CFAP95: variants seen among roughly 807,000 people sequenced by gnomAD.
CFAP95 encodes the protein cilia- and flagella-associated protein 95.
At chr9:69,822,171 G>C in the CFAP95 span, among the ~76,000 whole-genome samples, 1 of 152,098 alleles carries the variant, frequency 6.6e-6, no homozygotes, top group African/African-American at 2.4e-5. Context: ...GGAATATTTG[G>C]GAGGGGCGTG....
At chr9:69,826,882 G>A in the CFAP95 span, among the ~76,000 whole-genome samples, 4 of 152,072 alleles carry the variant, frequency 2.6e-5, no homozygotes, top group East Asian at 5.8e-4. Flanking sequence ...TGCAGGCTGG[G>A]GCCCTATATT....
chr9:69,840,012 G>A, the CFAP95 span, among the ~76,000 whole-genome samples: 1 of 151,514 alleles, frequency 6.6e-6, no homozygotes, highest in Non-Finnish European at 1.5e-5. Context: ...AGGAGGCGGA[G>A]GTTGTAGTGA....
chr9:69,873,604 C>A, the CFAP95 span, among the ~76,000 whole-genome samples: 2 of 152,190 alleles, frequency 1.3e-5, no homozygotes, highest in African/African-American at 4.8e-5. Context: ...ACTGCTTCTA[C>A]TGCTGCCAGT....
the CFAP95 span, among the ~76,000 whole-genome samples, chr9:69,870,767 G>C: frequency 6.6e-6 from 1 of 152,182 alleles, no homozygotes; most frequent in Non-Finnish European, 1.5e-5. Context: ...CACATTAGGG[G>C]TAAACAGGAT....
chr9:69,857,015 C>T, the CFAP95 span, among the ~76,000 whole-genome samples: 1 of 149,042 alleles, frequency 6.7e-6, no homozygotes, highest in African/African-American at 2.5e-5. Flanking sequence ...GTGTTTATAA[C>T]CCAGCTTGTT....
At chr9:69,902,179 A>C in the CFAP95 span, 10 of 355,126 alleles carry the variant, frequency 2.8e-5, no homozygotes, top group Non-Finnish European at 5.5e-6. Flanking sequence ...AGGGATGGGA[A>C]AATTGGCACA....
the CFAP95 span, among the ~76,000 whole-genome samples, chr9:69,887,865 G>A: frequency 3.3e-5 from 5 of 152,204 alleles, no homozygotes; most frequent in Non-Finnish European, 7.3e-5. Flanking sequence ...GCCGTGGGAG[G>A]AACACTGGCA....
the CFAP95 span, among the ~76,000 whole-genome samples, chr9:69,859,550 A>G: frequency 6.6e-6 from 1 of 152,126 alleles, no homozygotes; most frequent in Non-Finnish European, 1.5e-5. Context: ...CTGCTAATCA[A>G]TCCTCTGCTC....
chr9:69,826,485 G>A, the CFAP95 span, among the ~76,000 whole-genome samples: 1 of 152,054 alleles, frequency 6.6e-6, no homozygotes, highest in African/African-American at 2.4e-5. Flanking sequence ...CGAGAACTAC[G>A]ATAAAAAGCA....
At chr9:69,863,435 T>C in the CFAP95 span, among the ~76,000 whole-genome samples, 1 of 152,180 alleles carries the variant, frequency 6.6e-6, no homozygotes, top group Non-Finnish European at 1.5e-5. Context: ...GTAAGTCAAT[T>C]TAAGAGTTTT....
chr9:69,866,633 T>A, the CFAP95 span, among the ~76,000 whole-genome samples: 6 of 152,246 alleles, frequency 3.9e-5, no homozygotes, highest in Non-Finnish European at 8.8e-5. Context: ...ATTCAAAAGC[T>A]ACTCTATTTT....
the CFAP95 span, among the ~76,000 whole-genome samples, chr9:69,852,375 G>A: frequency 6.6e-6 from 1 of 152,066 alleles, no homozygotes; most frequent in Non-Finnish European, 1.5e-5. Flanking sequence ...GAGCTGCTTG[G>A]TGTCTCATTC....
chr9:69,857,362 C>T, the CFAP95 span, among the ~76,000 whole-genome samples: 2 of 152,100 alleles, frequency 1.3e-5, no homozygotes, highest in Non-Finnish European at 2.9e-5. Context: ...TAGCCTTTGT[C>T]TTATACTGTA....
chr9:69,852,165 AT>A, the CFAP95 span, among the ~76,000 whole-genome samples: 309 of 118,166 alleles, frequency 2.6e-3, no homozygotes, highest in Admixed American at 3.6e-3. Context: ...CTTTGTATAT[AT>A]TTTTTTTTTT....
At chr9:69,848,861 T>A in the CFAP95 span, among the ~76,000 whole-genome samples, 2 of 152,102 alleles carry the variant, frequency 1.3e-5, no homozygotes, top group Non-Finnish European at 1.5e-5. Context: ...GCCAGAGAAG[T>A]TTTGTATTAT....
the CFAP95 span, among the ~76,000 whole-genome samples, chr9:69,903,093 T>C: frequency 6.6e-6 from 1 of 152,176 alleles, no homozygotes; most frequent in South Asian, 2.1e-4. Flanking sequence ...CAGGAAAGGA[T>C]TGATATAGTA....
chr9:69,877,175 A>G, the CFAP95 span, among the ~76,000 whole-genome samples: 1 of 152,252 alleles, frequency 6.6e-6, no homozygotes, highest in Non-Finnish European at 1.5e-5. Flanking sequence ...TTAGCCCAGC[A>G]TCACGTGACT....
the CFAP95 span, among the ~76,000 whole-genome samples, chr9:69,855,576 G>A: frequency 6.6e-6 from 1 of 152,150 alleles, no homozygotes; most frequent in African/African-American, 2.4e-5. Context: ...AAATTTGGCT[G>A]GGAGGATAGT....
the CFAP95 span, among the ~76,000 whole-genome samples, chr9:69,833,889 G>A: frequency 3.3e-5 from 5 of 152,080 alleles, no homozygotes; most frequent in African/African-American, 1.2e-4. Flanking sequence ...GTTTTCTAAT[G>A]TTAATGCAAC....
Sources: allele counts gnomAD v4.1 joint callset (sites outside exome capture counted in the v4.1 genomes callset), GRCh38; gene constraint gnomAD v4.1.1; transcripts MANE v1.5; gene names NCBI Gene and HGNC (gene_info 2026-07-23, HGNC 2026-07-21).